ADGRA3: variants seen among roughly 807,000 people sequenced by gnomAD.
ADGRA3 encodes adhesion G protein-coupled receptor A3.
A neutral mutation model predicts 119.8 loss-of-function variants in ADGRA3; 56 were observed. The observed-to-expected ratio is 0.47, with a 90% CI of 0.38 to 0.58. ADGRA3 has a LOEUF of 0.58. Among genes scored for constraint, ADGRA3 ranks in the 20% least tolerant of loss-of-function variants. ADGRA3 has a pLI of 0.00. For synonymous variants in ADGRA3, 607 were observed against 623.8 expected (o/e 0.97, Z 0.40); for missense variants, 1,516 against 1,649.0 (o/e 0.92, Z 1.40).
At chr4:22,493,897 G>C (rs1292939049) in intron 1 of ADGRA3, among the ~76,000 whole-genome samples, 1 of 152,070 alleles carries the variant, frequency 6.6e-6, no homozygotes, top group African/African-American at 2.4e-5. Flanking sequence ...TCAAAACCAA[G>C]GTGGCCACAA....
At chr4:22,404,478 CAG>C (rs1217681735) in intron 14 of ADGRA3, among the ~76,000 whole-genome samples, 1 of 152,146 alleles carries the variant, frequency 6.6e-6, no homozygotes, top group African/African-American at 2.4e-5. Flanking sequence ...GAGATGAGAA[CAG>C]AGGAAACTGA....
chr4:22,442,246 A>G (rs1233135248), intron 7 of ADGRA3, among the ~76,000 whole-genome samples: 2 of 152,164 alleles, frequency 1.3e-5, no homozygotes, highest in African/African-American at 4.8e-5. Flanking sequence ...TTATACTAGT[A>G]GGTGGAGAAG....
chr4:22,515,836 C>G lies in ADGRA3; in HGVS notation c.-52G>C. The G allele has an allele frequency of 1.0e-6, 1 of 981,842 alleles. No homozygotes were observed. Among genetic ancestry groups the G allele is most frequent in the African/African-American group, 1.8e-5 (1 of 56,876 alleles). 60.8% of individuals were successfully genotyped at this position (981,842 alleles called of 1,614,324 possible). A position where few individuals can be genotyped will look rare whatever the true frequency, so the allele number is the denominator to read the frequency against. ...GCGGCGGCGCACTGGCCTAGCGGGC[C>G]GCCCCGGAGCCCGGGCGGGCAGGAG... On this transcript the variant is annotated 5_prime_UTR_variant, in exon 1 of 19. Coordinates refer to ENST00000334304, the MANE Select transcript of ADGRA3 (RefSeq NM_145290.4).
intron 5 of ADGRA3, among the ~76,000 whole-genome samples, chr4:22,447,112 T>C (rs1348041301): frequency 6.6e-6 from 1 of 152,038 alleles, no homozygotes; most frequent in Non-Finnish European, 1.5e-5. Flanking sequence ...ATAGGAAGGG[T>C]TATTTTATAC....
At chr4:22,454,438 G>A (rs1717172276) in intron 4 of ADGRA3, among the ~76,000 whole-genome samples, 1 of 152,104 alleles carries the variant, frequency 6.6e-6, no homozygotes, top group Non-Finnish European at 1.5e-5. Context: ...TTGACAAATG[G>A]CCTTGTTCTC....
chr4:22,487,434 C>T (rs913264473), intron 1 of ADGRA3, among the ~76,000 whole-genome samples: 10 of 152,130 alleles, frequency 6.6e-5, no homozygotes, highest in Admixed American at 5.2e-4. Context: ...ATTCTTAACG[C>T]TCAGCTGATC....
At chr4:22,488,878 G>T (rs1000088276) in intron 1 of ADGRA3, among the ~76,000 whole-genome samples, 2 of 152,122 alleles carry the variant, frequency 1.3e-5, no homozygotes, top group African/African-American at 4.8e-5. Flanking sequence ...AAAAAAAGGA[G>T]AAGAGTGGCA....
At chr4:22,500,367 G>A (rs999072799) in intron 1 of ADGRA3, among the ~76,000 whole-genome samples, 9 of 152,172 alleles carry the variant, frequency 5.9e-5, no homozygotes, top group South Asian at 2.1e-4. Context: ...TAGACAATAC[G>A]GAGCTCATAA....
intron 15 of ADGRA3, among the ~76,000 whole-genome samples, chr4:22,402,119 T>C (rs1029258592): frequency 3.9e-5 from 6 of 152,166 alleles, no homozygotes. Context: ...CAAAACGTTT[T>C]GTAAAGCGAA....
chr4:22,474,088 G>C (rs1272211276), intron 1 of ADGRA3, among the ~76,000 whole-genome samples: 1 of 152,096 alleles, frequency 6.6e-6, no homozygotes, highest in Non-Finnish European at 1.5e-5. Flanking sequence ...AACTTTAAGA[G>C]AGAAAAGTCA....
chr4:22,442,994 G>A (rs1279603114), intron 6 of ADGRA3, 131 bp from the exon 7 acceptor site: 3 of 728,666 alleles, frequency 4.1e-6, no homozygotes, highest in Non-Finnish European at 7.2e-6. Context: ...GCATGCTACT[G>A]CTAGTATCAA....
intron 8 of ADGRA3, 130 bp from the exon 9 acceptor site, chr4:22,436,771 AC>A (rs1716413635): frequency 2.8e-6 from 2 of 726,178 alleles, no homozygotes; most frequent in Admixed American, 5.2e-5. Flanking sequence ...GGTCATCAAA[AC>A]TGGGCTGGGA....
intron 1 of ADGRA3, among the ~76,000 whole-genome samples, chr4:22,496,838 C>T (rs1362798502): frequency 6.6e-6 from 1 of 152,186 alleles, no homozygotes; most frequent in Admixed American, 6.5e-5. Context: ...GCTTCCGGGG[C>T]CACTGGCAAA....
intron 12 of ADGRA3, chr4:22,414,650 C>A (rs776750249): frequency 2.3e-5 from 16 of 684,496 alleles, no homozygotes; most frequent in South Asian, 2.2e-4. Flanking sequence ...TTAAATAACA[C>A]CTTGGTTTTG....
At chr4:22,474,683 G>T (rs1224321002) in intron 1 of ADGRA3, among the ~76,000 whole-genome samples, 1 of 152,274 alleles carries the variant, frequency 6.6e-6, no homozygotes, top group South Asian at 2.1e-4. Context: ...GTTAAGTAAA[G>T]GGCCCAAGAT....
chr4:22,390,413 TATATATATATAATACGTA>T (rs1560292393), intron 17 of ADGRA3, among the ~76,000 whole-genome samples: 20 of 79,714 alleles, frequency 2.5e-4, no homozygotes, highest in African/African-American at 1.8e-3. Flanking sequence ...AAATACGTAT[TATATATATATAATACGTA>T]TTATATATAT....
intron 6 of ADGRA3, among the ~76,000 whole-genome samples, chr4:22,444,208 A>C (rs1716739548): frequency 6.6e-6 from 1 of 152,176 alleles, no homozygotes; most frequent in African/African-American, 2.4e-5. Context: ...TTATACACAG[A>C]GTCTGAAGAT....
chr4:22,394,353 T>A (rs1413233715), intron 16 of ADGRA3: 1 of 151,948 alleles, frequency 6.6e-6, no homozygotes, highest in Non-Finnish European at 1.5e-5. Flanking sequence ...TGCTGGGAGG[T>A]GGGATCAAGT....
chr4:22,511,388 C>T (rs1001962808), intron 1 of ADGRA3, among the ~76,000 whole-genome samples: 3 of 152,046 alleles, frequency 2.0e-5, no homozygotes, highest in Non-Finnish European at 2.9e-5. Context: ...ACCTGAGACA[C>T]GGGGAACACA....
Sources: allele counts gnomAD v4.1 joint callset (sites outside exome capture counted in the v4.1 genomes callset), GRCh38; gene constraint gnomAD v4.1.1; transcripts MANE v1.5; gene names NCBI Gene and HGNC (gene_info 2026-07-23, HGNC 2026-07-21).